ARHGAP10: variants seen among roughly 807,000 people sequenced by gnomAD.
ARHGAP10 encodes the protein rho GTPase-activating protein 10.
ARHGAP10 carries 87 observed loss-of-function variants against 108.6 expected under a neutral mutation model. The ratio of observed to expected loss-of-function variants is 0.80; its 90% confidence interval spans 0.67 to 0.96. The LOEUF is 0.96. Ranked by LOEUF, ARHGAP10 falls within the 40% of genes least tolerant of loss-of-function variation. The pLI, the probability that ARHGAP10 is intolerant of heterozygous loss-of-function variation, is 0.00. For synonymous variants in ARHGAP10, 347 were observed against 341.1 expected (o/e 1.02, Z -0.19); for missense variants, 939 against 954.5 (o/e 0.98, Z 0.21).
At chr4:147,942,705 A>G (rs1277232686) in intron 14 of ARHGAP10, among the ~76,000 whole-genome samples, 2 of 152,208 alleles carry the variant, frequency 1.3e-5, no homozygotes, top group South Asian at 2.1e-4. Context: ...AAAACTGTCT[A>G]AATAGAGAGG....
intron 16 of ARHGAP10, among the ~76,000 whole-genome samples, chr4:147,964,703 T>C (rs1175493540): frequency 7.9e-5 from 12 of 152,152 alleles, no homozygotes; most frequent in African/African-American, 4.8e-5. Context: ...GAGTAAACGA[T>C]GAACAGACAT....
chr4:147,896,750 A>G (rs574351713), intron 10 of ARHGAP10, among the ~76,000 whole-genome samples: 3 of 152,228 alleles, frequency 2.0e-5, no homozygotes, highest in African/African-American at 7.2e-5. Flanking sequence ...TGGGCATTTG[A>G]ATCTATAAGT....
intron 3 of ARHGAP10, among the ~76,000 whole-genome samples, chr4:147,824,767 A>G (rs1236082077): frequency 6.6e-6 from 1 of 152,118 alleles, no homozygotes; most frequent in Non-Finnish European, 1.5e-5. Context: ...AATTACCTCC[A>G]CCTGGTCCTG....
At chr4:147,936,639 C>T (rs1234789159) in intron 13 of ARHGAP10, among the ~76,000 whole-genome samples, 1 of 152,138 alleles carries the variant, frequency 6.6e-6, no homozygotes, top group Non-Finnish European at 1.5e-5. Flanking sequence ...CTTTTCCTCT[C>T]TTATAGTTGC....
At chr4:147,847,452 T>C (rs1733682071) in intron 4 of ARHGAP10, among the ~76,000 whole-genome samples, 1 of 152,208 alleles carries the variant, frequency 6.6e-6, no homozygotes. Context: ...CCTTTCCATA[T>C]AGAGTTTTAA....
At chr4:147,892,001 A>G (rs1022417891) in intron 10 of ARHGAP10, among the ~76,000 whole-genome samples, 15 of 152,190 alleles carry the variant, frequency 9.9e-5, no homozygotes, top group African/African-American at 3.6e-4. Context: ...GTTCTGTGAA[A>G]GTTCTCCCAC....
At chr4:148,030,804 TC>T (rs937849408) in intron 19 of ARHGAP10, among the ~76,000 whole-genome samples, 30 of 151,898 alleles carry the variant, frequency 2.0e-4, no homozygotes, top group African/African-American at 7.0e-4. Flanking sequence ...CATTCTACCT[TC>T]CTTTGTGCCC....
chr4:147,842,029 T>C (rs930760201), intron 3 of ARHGAP10, among the ~76,000 whole-genome samples: 3 of 152,082 alleles, frequency 2.0e-5, no homozygotes, highest in South Asian at 4.2e-4. Context: ...GCCTTCTGGG[T>C]TTGAGCGATT....
intron 1 of ARHGAP10, among the ~76,000 whole-genome samples, chr4:147,817,424 A>G (rs146828736): frequency 2.0e-5 from 3 of 152,312 alleles, no homozygotes; most frequent in African/African-American, 7.2e-5. Flanking sequence ...TTGTTGATAA[A>G]TAGGTGGCTC....
At chr4:147,854,902 T>C (rs1300049112) in intron 4 of ARHGAP10, 1 of 979,736 alleles carries the variant, frequency 1.0e-6, no homozygotes, top group Non-Finnish European at 1.2e-6. Flanking sequence ...AAAGGCTTGA[T>C]GTCTCCTTTT....
At chr4:147,755,748 T>C (rs1729341011) in intron 1 of ARHGAP10, among the ~76,000 whole-genome samples, 1 of 152,170 alleles carries the variant, frequency 6.6e-6, no homozygotes, top group Non-Finnish European at 1.5e-5. Context: ...TTGGCTCTTT[T>C]AGAAGCTGGA....
rs61078731 is a variant in ARHGAP10 at position 147,969,324 on chromosome 4, C to CTT, written c.1716+2505_1716+2506dup. On this transcript the variant is annotated intron_variant, in intron 18 of 22. Coordinates refer to ENST00000336498, the MANE Select transcript of ARHGAP10 (RefSeq NM_024605.4). ...ATGGATGTGAGAAGTTTTGTTTTGC[C>CTT]TTTTTTTTTTTTTTTTTTTTTGCCA... Among the ~76,000 whole-genome samples the CTT allele has an allele frequency of 2.0e-3, 186 of 93,798 alleles. 1 individual carries two copies. Among genetic ancestry groups the CTT allele is most frequent in the Non-Finnish European group, 2.4e-3 (114 of 46,910 alleles). The allele number at this position is 93,798 out of a possible 152,430, so 61.5% of individuals were successfully genotyped here. A position where few individuals can be genotyped will look rare whatever the true frequency, so the allele number is the denominator to read the frequency against.
At chr4:147,928,982 G>A (rs1247107330) in intron 13 of ARHGAP10, among the ~76,000 whole-genome samples, 1 of 152,188 alleles carries the variant, frequency 6.6e-6, no homozygotes, top group Non-Finnish European at 1.5e-5. Context: ...AACTTGCTAG[G>A]TCACATAGCT....
intron 3 of ARHGAP10, among the ~76,000 whole-genome samples, chr4:147,831,536 C>T (rs1454241279): frequency 2.6e-5 from 4 of 152,216 alleles, no homozygotes; most frequent in African/African-American, 9.6e-5. Context: ...TTGGCAGGCA[C>T]ATTCAGAATG....
chr4:147,953,291 G>A (rs1035025466), intron 15 of ARHGAP10, among the ~76,000 whole-genome samples: 1 of 151,970 alleles, frequency 6.6e-6, no homozygotes, highest in African/African-American at 2.4e-5. Flanking sequence ...CACAGAATGA[G>A]TTAGAAATTA....
At chr4:147,812,891 A>G (rs1158313696) in intron 1 of ARHGAP10, among the ~76,000 whole-genome samples, 1 of 152,232 alleles carries the variant, frequency 6.6e-6, no homozygotes, top group Non-Finnish European at 1.5e-5. Context: ...CATTAAATGC[A>G]CTAGTACATG....
At chr4:147,904,875 A>G (rs1356860777) in intron 10 of ARHGAP10, among the ~76,000 whole-genome samples, 1 of 152,158 alleles carries the variant, frequency 6.6e-6, no homozygotes, top group East Asian at 1.9e-4. Context: ...CTATTTCTCC[A>G]CATCCTCTCC....
intron 1 of ARHGAP10, among the ~76,000 whole-genome samples, chr4:147,768,298 T>C (rs1447826848): frequency 6.6e-6 from 1 of 152,236 alleles, no homozygotes; most frequent in Non-Finnish European, 1.5e-5. Context: ...ATCATGGAGC[T>C]ATCTGAGGAT....
intron 18 of ARHGAP10, among the ~76,000 whole-genome samples, chr4:147,990,867 C>T (rs921078966): frequency 5.9e-5 from 9 of 151,884 alleles, no homozygotes; most frequent in Admixed American, 6.6e-5. Context: ...TACAGAAAAA[C>T]GGGCCTGGTG....
Sources: gnomAD v4.1 joint callset for allele counts (sites outside exome capture counted in the v4.1 genomes callset) on GRCh38, gnomAD v4.1.1 for gene constraint, MANE v1.5 for transcripts, NCBI Gene and HGNC (gene_info 2026-07-23, HGNC 2026-07-21) for gene names.